Variants in ADAM12 observed in about 807,000 individuals in gnomAD.
ADAM12 encodes disintegrin and metalloproteinase domain-containing protein 12.
In ADAM12, 70 loss-of-function variants were observed where a neutral mutation model predicts 106.4. The observed-to-expected ratio is 0.66, with a 90% CI of 0.54 to 0.80. The LOEUF is 0.80. ADAM12 is among the 30% of genes least tolerant of loss of function. The probability of loss-of-function intolerance (pLI) is 0.00; values close to 1 mark genes in which losing one functional copy is unlikely to be tolerated. For synonymous variants in ADAM12, 420 were observed against 433.5 expected, an observed-to-expected ratio of 0.97 and a Z score of 0.39; for missense variants, 1,010 against 1,171.9, an observed-to-expected ratio of 0.86 and a Z score of 2.02.
chr10:126,191,808 A>C (rs2133804245), intron 3 of ADAM12, among the ~76,000 whole-genome samples: 1 of 152,346 alleles, frequency 6.6e-6, no homozygotes, highest in Admixed American at 6.5e-5. Flanking sequence ...ACTGCTATAA[A>C]GAAATGCCTG....
chr10:126,306,589 T>A (rs746853042), intron 2 of ADAM12, among the ~76,000 whole-genome samples: 7 of 152,196 alleles, frequency 4.6e-5, no homozygotes, highest in Non-Finnish European at 1.0e-4. Flanking sequence ...CACCTGCTTT[T>A]GGTTTTTAAA....
At chr10:126,093,712 G>A (rs1955506271) in intron 11 of ADAM12, among the ~76,000 whole-genome samples, 1 of 152,254 alleles carries the variant, frequency 6.6e-6, no homozygotes, top group African/African-American at 2.4e-5. Context: ...AAGATAATTA[G>A]CGATTTCTAA....
chr10:126,061,107 C>T (rs1954746970), intron 14 of ADAM12, among the ~76,000 whole-genome samples: 1 of 152,200 alleles, frequency 6.6e-6, no homozygotes, highest in African/African-American at 2.4e-5. Context: ...TTCAAAGCCT[C>T]CTAGTTGGCT....
At chr10:126,045,408 G>A (rs887490969) in intron 17 of ADAM12, among the ~76,000 whole-genome samples, 1 of 152,152 alleles carries the variant, frequency 6.6e-6, no homozygotes, top group African/African-American at 2.4e-5. Flanking sequence ...TCATTGGCAA[G>A]TGTCTACAAG....
At chr10:126,359,601 C>T (rs1855669889) in intron 1 of ADAM12, among the ~76,000 whole-genome samples, 1 of 152,236 alleles carries the variant, frequency 6.6e-6, no homozygotes, top group South Asian at 2.1e-4. Flanking sequence ...CCAGATCACT[C>T]TGATGCAAGA....
At chr10:126,146,674 G>A (rs1159213943) in intron 4 of ADAM12, among the ~76,000 whole-genome samples, 1 of 152,146 alleles carries the variant, frequency 6.6e-6, no homozygotes, top group East Asian at 1.9e-4. Flanking sequence ...TCTCCAGCAA[G>A]CCTTTGTCTC....
chr10:126,102,498 CT>C (rs1955686387), intron 8 of ADAM12, among the ~76,000 whole-genome samples: 1 of 152,220 alleles, frequency 6.6e-6, no homozygotes, highest in South Asian at 2.1e-4. Context: ...GTAGAAGAAA[CT>C]GCTCAAAGTT....
intron 5 of ADAM12, among the ~76,000 whole-genome samples, chr10:126,133,650 C>T (rs995247246): frequency 1.3e-5 from 2 of 151,430 alleles, no homozygotes; most frequent in Non-Finnish European, 2.9e-5. Flanking sequence ...TGGCACCCAT[C>T]ACTGGGGGGG....
rs575232549 is a variant in ADAM12 at position 126,295,134 on chromosome 10, AT to A, written c.187-16147del. ...AGAGCTTCAGAGGAAACTATAACTC[AT>A]TTTTTTTTAATATTATAGCTTCCTC... On this transcript the variant is annotated intron_variant, in intron 2 of 22. Transcript: ENST00000448723. Among the ~76,000 whole-genome samples the A allele has an allele frequency of 7.9e-4, 120 of 151,432 alleles. 1 individual carries two copies. The highest frequency in any genetic ancestry group is 5.0e-3 in the East Asian group (26 of 5,162).
chr10:126,256,179 T>C (rs1295514134), intron 3 of ADAM12, among the ~76,000 whole-genome samples: 1 of 152,278 alleles, frequency 6.6e-6, no homozygotes. Flanking sequence ...GTGATTCTAA[T>C]GTCCAAGCAG....
At chr10:126,223,681 C>A (rs1315623607) in intron 3 of ADAM12, among the ~76,000 whole-genome samples, 1 of 152,150 alleles carries the variant, frequency 6.6e-6, no homozygotes, top group Non-Finnish European at 1.5e-5. Context: ...AGGACGTGGG[C>A]CGATGCCAGG....
At chr10:126,252,102 TGGATGGATGGATG>T (rs1276518878) in intron 3 of ADAM12, among the ~76,000 whole-genome samples, 1 of 38,672 alleles carries the variant, frequency 2.6e-5, no homozygotes, top group South Asian at 8.8e-4. Context: ...TGGGATGGAT[TGGATGGATGGATG>T]GGATGGATGG....
intron 3 of ADAM12, among the ~76,000 whole-genome samples, chr10:126,241,962 C>CTT (rs10901569): frequency 2.4e-4 from 33 of 140,124 alleles, no homozygotes; most frequent in African/African-American, 3.6e-4. Flanking sequence ...TAAAACAGAG[C>CTT]TTTTTTTTTT....
chr10:126,235,730 A>C (rs1958401837), intron 3 of ADAM12, among the ~76,000 whole-genome samples: 1 of 152,202 alleles, frequency 6.6e-6, no homozygotes, highest in Admixed American at 6.5e-5. Context: ...AAAGGGCTCC[A>C]TTGTTTACAA....
At chr10:126,057,359 G>T in intron 14 of ADAM12, among the ~76,000 whole-genome samples, 1 of 131,944 alleles carries the variant, frequency 7.6e-6, no homozygotes, top group Non-Finnish European at 1.6e-5. Flanking sequence ...AAAACTTAGA[G>T]TATAATAAAA....
chr10:126,209,269 T>C (rs996791332), intron 3 of ADAM12, among the ~76,000 whole-genome samples: 10 of 152,242 alleles, frequency 6.6e-5, no homozygotes, highest in Admixed American at 2.0e-4. Flanking sequence ...AACTTTATTA[T>C]TGTAGCATCC....
At chr10:126,311,094 T>TACACACACACACACACACACACACACAC (rs67514376) in intron 2 of ADAM12, among the ~76,000 whole-genome samples, 1 of 138,454 alleles carries the variant, frequency 7.2e-6, no homozygotes, top group Non-Finnish European at 1.6e-5. Flanking sequence ...TACACACAAA[T>TACACACACACACACACACACACACACAC]ACACACACAC....
chr10:126,346,475 G>T (rs1378543621), intron 1 of ADAM12, among the ~76,000 whole-genome samples: 1 of 152,316 alleles, frequency 6.6e-6, no homozygotes, highest in African/African-American at 2.4e-5. Flanking sequence ...GTGCGATGTG[G>T]TGCCAAGAAG....
intron 5 of ADAM12, among the ~76,000 whole-genome samples, chr10:126,118,592 T>A (rs1291857013): frequency 6.6e-6 from 1 of 152,248 alleles, no homozygotes; most frequent in African/African-American, 2.4e-5. Flanking sequence ...AGCAGACACA[T>A]TTCAAAAGGA....
Sources: gnomAD v4.1 joint callset for allele counts (sites outside exome capture counted in the v4.1 genomes callset) on GRCh38, gnomAD v4.1.1 for gene constraint, MANE v1.5 for transcripts, NCBI Gene and HGNC (gene_info 2026-07-23, HGNC 2026-07-21) for gene names.